Variants in FGF12 observed in about 807,000 individuals in gnomAD.
FGF12 encodes fibroblast growth factor 12, also known as fibroblast growth factor 12B.
A neutral mutation model predicts 23.6 loss-of-function variants in FGF12; 14 were observed. The ratio of observed to expected loss-of-function variants is 0.59; its 90% confidence interval spans 0.39 to 0.93. FGF12 has a LOEUF of 0.93. Ranked by LOEUF, FGF12 falls within the 40% of genes least tolerant of loss-of-function variation. The pLI, the probability that FGF12 is intolerant of heterozygous loss-of-function variation, is 0.00. For missense variants in FGF12, 175 were observed against 217.8 expected (o/e 0.80, Z 1.24); for synonymous variants, 62 against 77.3 (o/e 0.80, Z 1.04).
intron 4 of FGF12, among the ~76,000 whole-genome samples, chr3:192,222,127 G>A (rs9820902): frequency 0.33 from 49,900 of 151,906 alleles, 9,373 homozygotes; most frequent in East Asian, 0.89. Context: ...AGTGGGAGAC[G>A]AGACTGTAAA....
intron 2 of FGF12, among the ~76,000 whole-genome samples, chr3:192,615,288 T>C (rs911954782): frequency 4.6e-5 from 7 of 152,062 alleles, no homozygotes; most frequent in African/African-American, 1.4e-4. Flanking sequence ...TTTTTTATTC[T>C]ATTAGAAGAT....
At chr3:192,315,037 A>C (rs1214099934) in intron 4 of FGF12, among the ~76,000 whole-genome samples, 3 of 152,190 alleles carry the variant, frequency 2.0e-5, no homozygotes, top group Non-Finnish European at 2.9e-5. Flanking sequence ...CTCAAAATAA[A>C]GTTCTTTCAT....
At chr3:192,618,547 C>T (rs1405670808) in intron 2 of FGF12, among the ~76,000 whole-genome samples, 1 of 152,064 alleles carries the variant, frequency 6.6e-6, no homozygotes, top group Non-Finnish European at 1.5e-5. Context: ...GGCAGCATAT[C>T]AATAATAAAT....
intron 2 of FGF12, chr3:192,672,828 T>C (rs993218605): frequency 6.6e-6 from 1 of 151,086 alleles, no homozygotes; most frequent in Non-Finnish European, 1.5e-5. Context: ...TGAGTTTCCT[T>C]GCCTTATCTC....
chr3:192,200,595 G>A (rs1303595538), intron 4 of FGF12, among the ~76,000 whole-genome samples: 2 of 152,122 alleles, frequency 1.3e-5, no homozygotes, highest in South Asian at 2.1e-4. Flanking sequence ...ACATGCCAGC[G>A]ATTATCAAAG....
At chr3:192,457,865 T>C (rs1342756263) in intron 2 of FGF12, among the ~76,000 whole-genome samples, 1 of 152,170 alleles carries the variant, frequency 6.6e-6, no homozygotes, top group Non-Finnish European at 1.5e-5. Context: ...ATCACAGGCC[T>C]GGAGGCCAAG....
At chr3:192,689,326 T>C in intron 2 of FGF12, among the ~76,000 whole-genome samples, 1 of 152,188 alleles carries the variant, frequency 6.6e-6, no homozygotes, top group East Asian at 1.9e-4. Context: ...TCTATGTATG[T>C]AACAAAGTAT....
chr3:192,697,317 T>C (rs1162241077), intron 2 of FGF12, among the ~76,000 whole-genome samples: 1 of 152,192 alleles, frequency 6.6e-6, no homozygotes, highest in Non-Finnish European at 1.5e-5. Flanking sequence ...GGAAACAGAA[T>C]AGAAAGAATT....
chr3:192,229,354 G>GGTGGGAATCCTTCACAT (rs1718904348), intron 4 of FGF12, among the ~76,000 whole-genome samples: 1 of 151,990 alleles, frequency 6.6e-6, no homozygotes. Flanking sequence ...TCCAGTGATA[G>GGTGGGAATCCTTCACAT]GTGGGAATCC....
At chr3:192,266,874 GA>G (rs1713111051) in intron 4 of FGF12, 1 of 150,806 alleles carries the variant, frequency 6.6e-6, no homozygotes, top group African/African-American at 2.4e-5. Flanking sequence ...CTAACAAAAG[GA>G]AAAGAAACTC....
At chr3:192,578,286 T>C (rs1712993416) in intron 2 of FGF12, among the ~76,000 whole-genome samples, 1 of 152,204 alleles carries the variant, frequency 6.6e-6, no homozygotes. Context: ...AACTTCCCTG[T>C]CGATAGGTAC....
At chr3:192,302,121 G>GA (rs1175898334) in intron 4 of FGF12, among the ~76,000 whole-genome samples, 9 of 152,212 alleles carry the variant, frequency 5.9e-5, no homozygotes, top group South Asian at 4.2e-4. Flanking sequence ...GTGACAGGGA[G>GA]AAAAAAATCT....
intron 2 of FGF12, among the ~76,000 whole-genome samples, chr3:192,722,997 T>G (rs944023304): frequency 1.3e-5 from 2 of 152,116 alleles, no homozygotes; most frequent in African/African-American, 4.8e-5. Flanking sequence ...AACGAGTACT[T>G]AGGTCATAGG....
At chr3:192,222,333 T>A (rs1316207730) in intron 4 of FGF12, among the ~76,000 whole-genome samples, 1 of 152,176 alleles carries the variant, frequency 6.6e-6, no homozygotes, top group Non-Finnish European at 1.5e-5. Flanking sequence ...TCTTCGGCTG[T>A]AACATGTCCT....
chr3:192,713,151 A>G (rs1718750294), intron 2 of FGF12, among the ~76,000 whole-genome samples: 1 of 152,222 alleles, frequency 6.6e-6, no homozygotes, highest in South Asian at 2.1e-4. Flanking sequence ...TTACATAATC[A>G]TAATCATGCA....
intron 2 of FGF12, among the ~76,000 whole-genome samples, chr3:192,629,539 T>G (rs1175052569): frequency 6.6e-6 from 1 of 152,232 alleles, no homozygotes; most frequent in Non-Finnish European, 1.5e-5. Context: ...TAGATTGGAC[T>G]TTTGATTGTT....
In FGF12 at chr3:192,374,299, C is replaced by T. The variant is rs140422651; in HGVS notation, c.14-13761G>A. ...AACTCTTCCCAAGTATGTATCCACA[C>T]ATAATCCATTCTTTCCATGGATCAC... is the stretch of plus-strand genomic sequence containing the variant. On this transcript the variant is annotated intron_variant, in intron 2 of 5. Coordinates refer to ENST00000445105, the MANE Select transcript of FGF12 (RefSeq NM_004113.6). Among the ~76,000 whole-genome samples, 655 of 152,302 alleles carry T rather than the reference C, an allele frequency of 4.3e-3. 6 individuals carry two copies. The highest frequency in any genetic ancestry group is 0.015 in the African/African-American group (623 of 41,576).
intron 2 of FGF12, among the ~76,000 whole-genome samples, chr3:192,561,578 A>T (rs9873510): frequency 4.6e-5 from 7 of 151,968 alleles, no homozygotes; most frequent in South Asian, 2.1e-4. Context: ...TAGCCAGGAT[A>T]GTCTCGATCT....
chr3:192,287,965 A>G (rs1714546674), intron 4 of FGF12, among the ~76,000 whole-genome samples: 1 of 152,042 alleles, frequency 6.6e-6, no homozygotes, highest in African/African-American at 2.4e-5. Context: ...TTCCCTTGAT[A>G]AACTCAGTTG....
Sources: allele counts gnomAD v4.1 joint callset (sites outside exome capture counted in the v4.1 genomes callset), GRCh38; gene constraint gnomAD v4.1.1; transcripts MANE v1.5; gene names NCBI Gene and HGNC (gene_info 2026-07-23, HGNC 2026-07-21).